The following ERMP1 variants were observed in gnomAD, a reference collection of about 807,000 sequenced individuals.
The protein encoded by ERMP1 is endoplasmic reticulum metallopeptidase 1.
Under a neutral mutation model 92.0 loss-of-function variants are expected in ERMP1, and 86 were observed. That is an observed-to-expected ratio of 0.93 (90% confidence interval 0.79 to 1.12). The LOEUF is 1.12. Among genes scored for constraint, ERMP1 ranks in the 50% most tolerant of loss-of-function variants. The probability of loss-of-function intolerance (pLI) is 0.00; values close to 1 mark genes in which losing one functional copy is unlikely to be tolerated. For missense variants in ERMP1, 1,342 were observed against 1,116.3 expected (o/e 1.20, Z -2.88); for synonymous variants, 530 against 412.8 (o/e 1.28, Z -3.44).
At chr9:5,822,546 T>A (rs1185892035) in intron 4 of ERMP1, among the ~76,000 whole-genome samples, 2 of 152,162 alleles carry the variant, frequency 1.3e-5, no homozygotes, top group African/African-American at 4.8e-5. Flanking sequence ...TTAGCATAGT[T>A]TCATAATTTA....
intron 4 of ERMP1, among the ~76,000 whole-genome samples, chr9:5,820,811 AT>A (rs2131257985): frequency 6.6e-6 from 1 of 152,336 alleles, no homozygotes; most frequent in South Asian, 2.1e-4. Flanking sequence ...GAGGGCCTTT[AT>A]CCTCTTTTAG....
intron 6 of ERMP1, among the ~76,000 whole-genome samples, chr9:5,849,931 A>T (rs976423002): frequency 2.0e-5 from 3 of 152,162 alleles, no homozygotes; most frequent in African/African-American, 7.2e-5. Context: ...TAGCAAGCAG[A>T]CTCGAAATTA....
At chr9:5,825,280 T>C in intron 2 of ERMP1, 61 bp from the exon 3 acceptor site, 2 of 1,515,660 alleles carry the variant, frequency 1.3e-6, no homozygotes, top group Admixed American at 2.0e-5. Context: ...TATGACCCAT[T>C]AGGACTAGGA....
Position 5,798,969 on chromosome 9 carries a change from C to G in ERMP1, c.2107G>C (p.Val703Leu), listed in dbSNP as rs1365811625. ...RTFHDLEGNA[V>L]KRDSGIWING... is the part of the protein sequence containing the mutation. ...ATCCATATTCCAGAGTCCCGTTTAA[C>G]TGCATTTCCTTCCAAGTCATGGAAT... is the stretch of plus-strand genomic sequence containing the variant. Residue 703 changes from valine to leucine, a missense_variant, in exon 12 of 15, where the codon GTT (valine) becomes CTT (leucine). Coordinates refer to ENST00000339450, the MANE Select transcript of ERMP1 (RefSeq NM_024896.3). 4 of 1,613,820 alleles carry G rather than the reference C, an allele frequency of 2.5e-6. No homozygotes were observed. The highest frequency in any genetic ancestry group is 3.4e-6 in the Non-Finnish European group (4 of 1,179,812).
intron 6 of ERMP1, among the ~76,000 whole-genome samples, chr9:5,843,809 A>G (rs958927722): frequency 6.6e-6 from 1 of 152,182 alleles, no homozygotes; most frequent in Non-Finnish European, 1.5e-5. Flanking sequence ...AGTGTTGCAC[A>G]CACCGGGGTT....
chr9:5,857,889 G>C (rs749743638), intron 6 of ERMP1, among the ~76,000 whole-genome samples: 1 of 152,286 alleles, frequency 6.6e-6, no homozygotes, highest in Admixed American at 6.5e-5. Context: ...ATTAGAAGAT[G>C]TCGACCCCAT....
chr9:5,840,038 T>C (rs1182150599), intron 6 of ERMP1, among the ~76,000 whole-genome samples: 1 of 152,118 alleles, frequency 6.6e-6, no homozygotes, highest in African/African-American at 2.4e-5. Flanking sequence ...GGTCAGGAGT[T>C]TGTGACCAAC....
intron 2 of ERMP1, among the ~76,000 whole-genome samples, chr9:5,829,219 CAAAAAAAAAAAA>C (rs546458492): frequency 1.8e-5 from 1 of 56,406 alleles, no homozygotes; most frequent in South Asian, 6.1e-4. Flanking sequence ...GCCCCCCAGC[CAAAAAAAAAAAA>C]AAAAAAACAC....
At position 5,812,228 on chromosome 9, in the gene ERMP1, T is replaced by C. The variant is rs1345707060; in HGVS notation, c.1022-11A>G. The C allele has an allele frequency of 5.4e-6, 8 of 1,472,526 alleles. No homozygotes were observed. The highest frequency in any genetic ancestry group is 7.4e-6 in the Non-Finnish European group (8 of 1,082,528). 91.2% of individuals were successfully genotyped at this position (1,472,526 alleles called of 1,614,324 possible). A position where few individuals can be genotyped will look rare whatever the true frequency, so the allele number is the denominator to read the frequency against. ...AAGCTAAGTCTATTCCTAAAACATA[T>C]ATATAGAAAAAAAAAAGTCATTTTG... On this transcript the variant is annotated splice_polypyrimidine_tract_variant and intron_variant, in intron 5 of 14. Coordinates refer to ENST00000339450, the MANE Select transcript of ERMP1 (RefSeq NM_024896.3).
chr9:5,812,320 C>T, intron 5 of ERMP1, 103 bp from the exon 6 acceptor site: 7 of 641,944 alleles, frequency 1.1e-5, no homozygotes, highest in Middle Eastern at 4.3e-4. Flanking sequence ...AATGTCAAAG[C>T]AGTGGCACGA....
intron 6 of ERMP1, 142 bp from the exon 7 acceptor site, chr9:5,811,465 G>A: frequency 4.4e-6 from 3 of 676,420 alleles, no homozygotes; most frequent in South Asian, 4.4e-5. Flanking sequence ...TAGAAAGAAT[G>A]TGAACAGAAA....
intron 10 of ERMP1, among the ~76,000 whole-genome samples, chr9:5,803,221 A>G (rs8181183): frequency 0.27 from 40,764 of 152,126 alleles, 6,417 homozygotes; most frequent in East Asian, 0.57. Flanking sequence ...ACTATCATTA[A>G]CACTGCTACA....
At chr9:5,844,060 C>T (rs1465125673) in intron 6 of ERMP1, among the ~76,000 whole-genome samples, 1 of 152,084 alleles carries the variant, frequency 6.6e-6, no homozygotes, top group Admixed American at 6.5e-5. Context: ...AGAAGAATCT[C>T]AGTCAGACCT....
intron 6 of ERMP1, among the ~76,000 whole-genome samples, chr9:5,854,701 A>G (rs960247243): frequency 1.7e-4 from 26 of 151,974 alleles, no homozygotes; most frequent in African/African-American, 6.0e-4. Flanking sequence ...AATCTTTCAT[A>G]TTTTTGGTAG....
At chr9:5,835,916 C>T (rs1391052210), upstream of ERMP1, among the ~76,000 whole-genome samples, 1 of 152,196 alleles carries the variant, frequency 6.6e-6, no homozygotes, top group African/African-American at 2.4e-5. Context: ...TGAATTGGAA[C>T]ACATGCTCTA....
At chr9:5,866,168 A>T (rs935919313) in intron 5 of ERMP1, among the ~76,000 whole-genome samples, 1 of 152,352 alleles carries the variant, frequency 6.6e-6, no homozygotes, top group Non-Finnish European at 1.5e-5. Flanking sequence ...TTGGGGGGTA[A>T]ATTGCAGATG....
At chr9:5,819,253 A>C (rs1000689133) in intron 4 of ERMP1, among the ~76,000 whole-genome samples, 1 of 152,198 alleles carries the variant, frequency 6.6e-6, no homozygotes, top group Non-Finnish European at 1.5e-5. Flanking sequence ...ATGAAGTACT[A>C]ATACATGCGA....
chr9:5,861,978 G>GT (rs1478792734), intron 5 of ERMP1, among the ~76,000 whole-genome samples: 2 of 151,728 alleles, frequency 1.3e-5, no homozygotes, highest in Non-Finnish European at 2.9e-5. Context: ...AAAAGTTAAA[G>GT]TTTTTTAAAA....
intron 10 of ERMP1, among the ~76,000 whole-genome samples, chr9:5,801,887 T>C (rs1828686959): frequency 6.6e-6 from 1 of 152,104 alleles, no homozygotes; most frequent in South Asian, 2.1e-4. Context: ...GCCAACACAA[T>C]CAAAACAATA....
Sources: gnomAD v4.1 joint callset for allele counts (sites outside exome capture counted in the v4.1 genomes callset) on GRCh38, gnomAD v4.1.1 for gene constraint, MANE v1.5 for transcripts, NCBI Gene and HGNC (gene_info 2026-07-23, HGNC 2026-07-21) for gene names.